Variants in RGS7 observed in about 807,000 individuals in gnomAD.
RGS7 encodes regulator of G protein signaling 7, also known as regulator of G-protein signaling 7.
RGS7 carries 27 observed loss-of-function variants against 81.1 expected under a neutral mutation model. That is an observed-to-expected ratio of 0.33 (90% confidence interval 0.25 to 0.46). The LOEUF (loss-of-function observed/expected upper bound fraction) is 0.46, where lower values mean the gene tolerates loss of function less well. RGS7 is among the 20% of genes least tolerant of loss of function. The probability of loss-of-function intolerance (pLI) is 1.00; values close to 1 mark genes in which losing one functional copy is unlikely to be tolerated. For synonymous variants in RGS7, 208 were observed against 207.7 expected (o/e 1.00, Z -0.01); for missense variants, 396 against 607.4 (o/e 0.65, Z 3.66).
chr1:241,355,936 G>T, intron 1 of RGS7, 110 bp from the exon 2 acceptor site: 1 of 689,714 alleles, frequency 1.4e-6, no homozygotes, highest in Non-Finnish European at 2.7e-6. Flanking sequence ...ACTGGGGCTG[G>T]CTGGAGAAAG....
chr1:241,356,040 C>T (rs985249128), intron 1 of RGS7, among the ~76,000 whole-genome samples: 4 of 152,190 alleles, frequency 2.6e-5, no homozygotes, highest in African/African-American at 4.8e-5. Flanking sequence ...TAGAAATAGC[C>T]ATTTGGTTAT....
At chr1:241,033,206 C>A (rs1282414433) in intron 3 of RGS7, among the ~76,000 whole-genome samples, 13 of 152,044 alleles carry the variant, frequency 8.6e-5, no homozygotes. Context: ...CAAAAATTAA[C>A]TGGGCGTGAT....
At chr1:241,167,494 G>T (rs986444819) in intron 2 of RGS7, among the ~76,000 whole-genome samples, 2 of 152,046 alleles carry the variant, frequency 1.3e-5, no homozygotes, top group Admixed American at 6.6e-5. Flanking sequence ...GATTTCCACA[G>T]GGACAGCTGT....
intron 15 of RGS7, among the ~76,000 whole-genome samples, chr1:240,804,709 A>G (rs1688564885): frequency 6.6e-6 from 1 of 152,214 alleles, no homozygotes; most frequent in Non-Finnish European, 1.5e-5. Context: ...AGAAAGAAAA[A>G]TCAGCAGAGA....
intron 2 of RGS7, among the ~76,000 whole-genome samples, chr1:241,166,016 C>T (rs1183613642): frequency 6.6e-6 from 1 of 152,106 alleles, no homozygotes; most frequent in Admixed American, 6.5e-5. Flanking sequence ...CAGCAATCTG[C>T]GTTGTAATAA....
At chr1:241,242,106 C>T (rs115561662) in intron 2 of RGS7, among the ~76,000 whole-genome samples, 4,083 of 152,086 alleles carry the variant, frequency 0.027, 179 homozygotes, top group African/African-American at 0.092. Flanking sequence ...TACTGCCCCC[C>T]ACCCTTTCCC....
intron 2 of RGS7, among the ~76,000 whole-genome samples, chr1:241,242,306 G>GTAGA (rs58976335): frequency 0.15 from 22,380 of 147,420 alleles, 1,738 homozygotes; most frequent in Admixed American, 0.17. Flanking sequence ...CTATGGATGA[G>GTAGA]TAGATAGATA....
At chr1:240,872,710 CAA>C (rs1346610094) in intron 6 of RGS7, among the ~76,000 whole-genome samples, 2 of 152,110 alleles carry the variant, frequency 1.3e-5, no homozygotes, top group African/African-American at 4.8e-5. Flanking sequence ...CCAAGTAGAT[CAA>C]AGATGATTCC....
chr1:240,939,707 G>C (rs1677240662), intron 4 of RGS7, among the ~76,000 whole-genome samples: 1 of 152,142 alleles, frequency 6.6e-6, no homozygotes, highest in Admixed American at 6.6e-5. Context: ...TCTGGGAGGG[G>C]TATCTTGCTT....
At chr1:240,816,151 TACTTAA>T (rs1278346375) in intron 11 of RGS7, among the ~76,000 whole-genome samples, 160 bp downstream of exon 11, 5 of 152,250 alleles carry the variant, frequency 3.3e-5, no homozygotes, top group Non-Finnish European at 7.3e-5. Flanking sequence ...GTAATTACAA[TACTTAA>T]AATTACAACA....
intron 3 of RGS7, among the ~76,000 whole-genome samples, chr1:241,052,606 T>C (rs114306922): frequency 0.017 from 2,533 of 152,278 alleles, 76 homozygotes; most frequent in African/African-American, 0.059. Flanking sequence ...TGATGACCCA[T>C]GTCAAGGTTG....
intron 3 of RGS7, among the ~76,000 whole-genome samples, chr1:241,055,986 A>G (rs1003242608): frequency 6.6e-6 from 1 of 152,218 alleles, no homozygotes; most frequent in African/African-American, 2.4e-5. Flanking sequence ...CTATGTGTGT[A>G]TTTGTTTGCA....
chr1:240,906,669 T>A (rs1670869430), intron 6 of RGS7, among the ~76,000 whole-genome samples: 1 of 152,218 alleles, frequency 6.6e-6, no homozygotes. Flanking sequence ...GCTTTTATTA[T>A]AACAGCTGGC....
rs113799124 is a variant in RGS7 at position 240,832,439 on chromosome 1, C to T, written c.610-5267G>A. On this transcript the variant is annotated intron_variant, in intron 9 of 18. Coordinates refer to ENST00000440928, the MANE Select transcript of RGS7 (RefSeq NM_001364886.1). ...GTAGGATTTAACATTGTGGAAGCCA[C>T]TCCTGAGGGAGTAAACGGAGCATAT... is the stretch of plus-strand genomic sequence containing the variant. Among the ~76,000 whole-genome samples, 954 of 152,282 alleles carry T rather than the reference C, an allele frequency of 6.3e-3. 8 individuals carry two copies. The highest frequency in any genetic ancestry group is 0.021 in the African/African-American group (863 of 41,556).
chr1:241,156,922 G>A (rs2069199365), intron 2 of RGS7, among the ~76,000 whole-genome samples: 1 of 152,086 alleles, frequency 6.6e-6, no homozygotes, highest in Admixed American at 6.5e-5. Flanking sequence ...TTCCCTTCCA[G>A]ATGTCATTAC....
chr1:241,209,432 A>C (rs1220525390), intron 2 of RGS7, among the ~76,000 whole-genome samples: 1 of 152,178 alleles, frequency 6.6e-6, no homozygotes. Flanking sequence ...TACAAATAAG[A>C]CTTAGGAGTT....
At chr1:241,347,333 G>T (rs895399665) in intron 2 of RGS7, among the ~76,000 whole-genome samples, 2 of 152,142 alleles carry the variant, frequency 1.3e-5, no homozygotes, top group African/African-American at 4.8e-5. Context: ...GCTACTCAGG[G>T]GTGGGGTGAG....
intron 14 of RGS7, among the ~76,000 whole-genome samples, chr1:240,809,244 A>G (rs1407357029): frequency 6.6e-6 from 1 of 152,144 alleles, no homozygotes; most frequent in East Asian, 1.9e-4. Flanking sequence ...TATTAGGGAG[A>G]GCAGAGGGTA....
intron 3 of RGS7, among the ~76,000 whole-genome samples, chr1:241,068,061 A>AC (rs2148856555): frequency 6.6e-6 from 1 of 151,438 alleles, no homozygotes; most frequent in African/African-American, 2.4e-5. Flanking sequence ...AGAATGGAAG[A>AC]CAGCGACTGA....
Sources: allele counts gnomAD v4.1 joint callset (sites outside exome capture counted in the v4.1 genomes callset), GRCh38; gene constraint gnomAD v4.1.1; transcripts MANE v1.5; gene names NCBI Gene and HGNC (gene_info 2026-07-23, HGNC 2026-07-21).